The following FGF13 variants were observed in gnomAD, a reference collection of about 807,000 sequenced individuals.
FGF13 encodes fibroblast growth factor homologous factor 2.
Under a neutral mutation model 19.5 loss-of-function variants are expected in FGF13, and 2 were observed. The ratio of observed to expected loss-of-function variants is 0.10; its 90% CI spans 0.04 to 0.32. FGF13 has a LOEUF of 0.32. Ranked by LOEUF, FGF13 falls within the 10% of genes least tolerant of loss-of-function variation. FGF13 has a pLI of 1.00. For synonymous variants in FGF13, 72 were observed against 76.9 expected, an observed-to-expected ratio of 0.94 and a Z score of 0.33; for missense variants, 113 against 192.7, an observed-to-expected ratio of 0.59 and a Z score of 2.45.
At chrX:138,893,597 T>C (rs1372928703) in intron 1 of FGF13, among the ~76,000 whole-genome samples, 2 of 111,065 alleles carry the variant, frequency 1.8e-5, no homozygotes, top group Non-Finnish European at 3.8e-5. Context: ...TTGAGCTTTT[T>C]GTCCGAGAAT....
chrX:139,117,023 A>T (rs1308230527), intron 1 of FGF13, among the ~76,000 whole-genome samples: 3 of 111,493 alleles, frequency 2.7e-5, no homozygotes, highest in African/African-American at 9.8e-5. Context: ...ATATAACAGT[A>T]TTATCAACTA....
intron 3 of FGF13, among the ~76,000 whole-genome samples, chrX:138,790,483 G>T (rs5974777): frequency 0.026 from 2,844 of 110,511 alleles, 102 homozygotes; most frequent in African/African-American, 0.091. Context: ...TGCCTCCACA[G>T]TCTTTTTCCT....
intron 1 of FGF13, among the ~76,000 whole-genome samples, chrX:139,121,847 A>G (rs375081847): frequency 9.0e-6 from 1 of 111,445 alleles, no homozygotes; most frequent in South Asian, 3.8e-4. Context: ...GCCAGTCAGG[A>G]GACAGAGGAT....
chrX:139,010,449 G>A (rs186781203), intron 1 of FGF13, among the ~76,000 whole-genome samples: 71 of 111,579 alleles, frequency 6.4e-4, no homozygotes, highest in Admixed American at 1.1e-3. Flanking sequence ...TTTATATCAA[G>A]TATTCTCTCA....
intron 1 of FGF13, among the ~76,000 whole-genome samples, chrX:139,117,731 C>G (rs1195748522): frequency 9.0e-6 from 1 of 111,494 alleles, no homozygotes; most frequent in African/African-American, 3.3e-5. Flanking sequence ...CACCTCACCA[C>G]CCCACTCCCC....
chrX:138,736,518 G>C (rs2090275715), intron 1 of FGF13, among the ~76,000 whole-genome samples: 2 of 110,857 alleles, frequency 1.8e-5, no homozygotes, highest in South Asian at 7.6e-4. Flanking sequence ...CATATCATGA[G>C]AAAGCACTTT....
chrX:139,130,896 C>T (rs867357721), intron 1 of FGF13, among the ~76,000 whole-genome samples: 3 of 110,787 alleles, frequency 2.7e-5, no homozygotes, highest in Admixed American at 9.6e-5. Flanking sequence ...ATTTTAATTA[C>T]GTTTTCGTAT....
At chrX:138,738,375 C>T (rs1298314484) in intron 1 of FGF13, among the ~76,000 whole-genome samples, 1 of 112,069 alleles carries the variant, frequency 8.9e-6, no homozygotes. Flanking sequence ...AAAGTGTTTG[C>T]TTCATGAGGT....
intron 1 of FGF13, among the ~76,000 whole-genome samples, chrX:138,933,825 G>A (rs1031475973): frequency 1.1e-4 from 12 of 111,346 alleles, no homozygotes; most frequent in Admixed American, 1.0e-3. Flanking sequence ...CTAAGTTCAC[G>A]TATCTGTCTT....
At chrX:139,103,217 T>A (rs886497097) in intron 1 of FGF13, among the ~76,000 whole-genome samples, 8 of 112,373 alleles carry the variant, frequency 7.1e-5, no homozygotes, top group Non-Finnish European at 1.3e-4. Context: ...GAGAGTGCTG[T>A]GCAGAATCTA....
chrX:138,789,914 A>T (rs1163512332), intron 3 of FGF13, among the ~76,000 whole-genome samples: 1 of 105,412 alleles, frequency 9.5e-6, no homozygotes, highest in African/African-American at 3.5e-5. Flanking sequence ...GCGTAGTGGC[A>T]GGCGCCTGTA....
chrX:138,983,654 T>C (rs2091973843), intron 1 of FGF13, among the ~76,000 whole-genome samples: 1 of 109,981 alleles, frequency 9.1e-6, no homozygotes, highest in Non-Finnish European at 1.9e-5. Flanking sequence ...AACTACCATA[T>C]GATCTAGCAA....
At chrX:139,184,009 T>C (rs753254880) in intron 1 of FGF13, among the ~76,000 whole-genome samples, 26 of 112,243 alleles carry the variant, frequency 2.3e-4, no homozygotes, top group African/African-American at 7.8e-4. Flanking sequence ...AAGCAGAACC[T>C]ATGTTCCTGA....
intron 1 of FGF13, among the ~76,000 whole-genome samples, chrX:138,738,026 A>G (rs1457865009): frequency 8.9e-6 from 1 of 112,269 alleles, no homozygotes; most frequent in Non-Finnish European, 1.9e-5. Flanking sequence ...TTTTATGGGG[A>G]AACCAATTAA....
intron 1 of FGF13, among the ~76,000 whole-genome samples, chrX:139,050,736 C>T (rs1395231052): frequency 1.8e-5 from 2 of 112,039 alleles, no homozygotes; most frequent in African/African-American, 3.2e-5. Context: ...CTTTCATGCA[C>T]GTGTTTTTTA....
chrX:138,652,760 C>CA (rs1223552444), intron 3 of FGF13, among the ~76,000 whole-genome samples: 1 of 111,372 alleles, frequency 9.0e-6, no homozygotes, highest in Admixed American at 9.5e-5. Flanking sequence ...AGGCTATTCA[C>CA]AAAAAAGGTA....
intron 1 of FGF13, among the ~76,000 whole-genome samples, chrX:138,941,783 A>G (rs1261427516): frequency 2.7e-5 from 3 of 111,691 alleles, no homozygotes; most frequent in Non-Finnish European, 3.8e-5. Context: ...CATTCCTCTG[A>G]AAAAAAAGTA....
At chrX:138,801,961 C>T (rs755338979) in intron 3 of FGF13, among the ~76,000 whole-genome samples, 19 of 112,080 alleles carry the variant, frequency 1.7e-4, no homozygotes, top group Non-Finnish European at 3.6e-4. Context: ...AGGTGGACTT[C>T]AGACTGCTGC....
intron 3 of FGF13, among the ~76,000 whole-genome samples, chrX:138,659,061 C>A (rs1469910094): frequency 8.9e-6 from 1 of 111,776 alleles, no homozygotes; most frequent in Non-Finnish European, 1.9e-5. Flanking sequence ...TCTCTCTAAT[C>A]CTTCTGAAAT....
Sources: gnomAD v4.1 joint callset for allele counts (sites outside exome capture counted in the v4.1 genomes callset) on GRCh38, gnomAD v4.1.1 for gene constraint, MANE v1.5 for transcripts, NCBI Gene and HGNC (gene_info 2026-07-23, HGNC 2026-07-21) for gene names.